Variants in MGAT4C observed in about 807,000 individuals in gnomAD.
The protein encoded by MGAT4C is alpha-1,3-mannosyl-glycoprotein 4-beta-N-acetylglucosaminyltransferase C.
In MGAT4C, 19 loss-of-function variants were observed where a neutral mutation model predicts 40.1. The ratio of observed to expected loss-of-function variants is 0.47; its 90% CI spans 0.33 to 0.70. MGAT4C has a LOEUF of 0.70. MGAT4C is among the 30% of genes least tolerant of loss of function. The pLI is 0.02. For missense variants in MGAT4C, 491 were observed against 563.2 expected (o/e 0.87, Z 1.30); for synonymous variants, 181 against 187.1 (o/e 0.97, Z 0.27).
intron 3 of MGAT4C, among the ~76,000 whole-genome samples, chr12:86,357,739 A>T (rs1410698938): frequency 6.6e-6 from 1 of 152,202 alleles, no homozygotes; most frequent in South Asian, 2.1e-4. Flanking sequence ...GTGATTGAAG[A>T]TCAAATGAAT....
At chr12:86,787,549 T>G (rs1209396290) in intron 1 of MGAT4C, among the ~76,000 whole-genome samples, 1 of 151,586 alleles carries the variant, frequency 6.6e-6, no homozygotes, top group African/African-American at 2.4e-5. Flanking sequence ...ATCAGGTACA[T>G]GCAAATTAAA....
chr12:86,063,382 C>T (rs771473383), intron 1 of MGAT4C, among the ~76,000 whole-genome samples: 1 of 152,094 alleles, frequency 6.6e-6, no homozygotes, highest in Non-Finnish European at 1.5e-5. Flanking sequence ...AAGCACGAAA[C>T]ATGGAAAAGA....
intron 1 of MGAT4C, among the ~76,000 whole-genome samples, chr12:86,147,363 T>A (rs1430036147): frequency 1.3e-5 from 2 of 152,106 alleles, no homozygotes; most frequent in Non-Finnish European, 2.9e-5. Context: ...TGCTTCAGCC[T>A]CCCAAGTACC....
chr12:86,834,094 G>A (rs1952986778), intron 1 of MGAT4C, among the ~76,000 whole-genome samples: 1 of 151,532 alleles, frequency 6.6e-6, no homozygotes, highest in African/African-American at 2.4e-5. Context: ...TACCTAGGTT[G>A]CTTCCAAATC....
Position 86,128,079 on chromosome 12 carries a change from C to T in MGAT4C, c.-56-78356G>A, listed in dbSNP as rs73387111. Among the ~76,000 whole-genome samples the T allele has an allele frequency of 6.5e-3, 982 of 152,248 alleles. 7 individuals are homozygous for T. The highest frequency in any genetic ancestry group is 0.023 in the African/African-American group (945 of 41,544). ...CTATATTTTCAAATGACAGGCAGTG[C>T]AATATATTTGTTTCCACCATTATCA... On this transcript the variant is annotated intron_variant, in intron 1 of 4. Transcript: ENST00000611864.
intron 3 of MGAT4C, among the ~76,000 whole-genome samples, chr12:86,413,714 TA>T (rs1956650742): frequency 6.6e-6 from 1 of 152,182 alleles, no homozygotes; most frequent in Non-Finnish European, 1.5e-5. Context: ...AGTGTTACAC[TA>T]GGGGGTCTGC....
intron 2 of MGAT4C, among the ~76,000 whole-genome samples, chr12:86,463,690 C>T (rs1292008415): frequency 6.6e-6 from 1 of 152,008 alleles, no homozygotes; most frequent in Non-Finnish European, 1.5e-5. Context: ...TAATTCCTTG[C>T]TTAACACCCA....
intron 2 of MGAT4C, among the ~76,000 whole-genome samples, chr12:86,655,926 G>A (rs980698618): frequency 2.6e-5 from 4 of 152,046 alleles, no homozygotes; most frequent in African/African-American, 7.2e-5. Context: ...TGATGCTCAC[G>A]AGTTGTGTGA....
intron 1 of MGAT4C, among the ~76,000 whole-genome samples, chr12:86,079,059 G>A (rs377755440): frequency 6.6e-6 from 1 of 152,286 alleles, no homozygotes; most frequent in East Asian, 1.9e-4. Context: ...CAAAGTAGAA[G>A]AGGCTTACTA....
intron 4 of MGAT4C, among the ~76,000 whole-genome samples, chr12:86,280,137 G>A (rs887006944): frequency 1.3e-5 from 2 of 151,996 alleles, no homozygotes; most frequent in African/African-American, 2.4e-5. Flanking sequence ...ATATTTATTC[G>A]GTCAATATTT....
At chr12:86,073,160 T>C (rs897593078) in intron 1 of MGAT4C, among the ~76,000 whole-genome samples, 12 of 152,144 alleles carry the variant, frequency 7.9e-5, no homozygotes, top group African/African-American at 2.9e-4. Flanking sequence ...TGAGATATGA[T>C]GGTTTTAATA....
At chr12:86,185,359 A>G (rs925044722) in intron 1 of MGAT4C, among the ~76,000 whole-genome samples, 7 of 152,142 alleles carry the variant, frequency 4.6e-5, no homozygotes, top group Admixed American at 1.3e-4. Flanking sequence ...TGTCTGATAC[A>G]TTGTAGGCAA....
chr12:86,662,551 G>A (rs1964005753), intron 2 of MGAT4C, among the ~76,000 whole-genome samples: 1 of 152,198 alleles, frequency 6.6e-6, no homozygotes, highest in South Asian at 2.1e-4. Flanking sequence ...AAAGTTGCAG[G>A]TTTGAATCTC....
intron 2 of MGAT4C, among the ~76,000 whole-genome samples, chr12:85,998,176 G>A (rs1195999460): frequency 6.6e-6 from 1 of 152,170 alleles, no homozygotes; most frequent in South Asian, 2.1e-4. Flanking sequence ...GCTCTATGTT[G>A]GTCCCTTTCA....
intron 1 of MGAT4C, among the ~76,000 whole-genome samples, chr12:86,156,764 TA>T (rs1469139665): frequency 7.2e-5 from 11 of 152,336 alleles, no homozygotes; most frequent in African/African-American, 2.6e-4. Context: ...TTCTACTGAG[TA>T]AATTATGGCT....
chr12:86,410,002 A>T (rs1956571093), intron 3 of MGAT4C, among the ~76,000 whole-genome samples: 1 of 152,134 alleles, frequency 6.6e-6, no homozygotes, highest in Non-Finnish European at 1.5e-5. Context: ...AGGACTTTAA[A>T]GGCGGAGGGG....
At chr12:86,814,158 A>G (rs1465440514) in intron 1 of MGAT4C, among the ~76,000 whole-genome samples, 5 of 151,636 alleles carry the variant, frequency 3.3e-5, no homozygotes, top group Admixed American at 6.6e-5. Flanking sequence ...GCTGATAGAT[A>G]TATTTCTAAG....
At chr12:86,537,541 T>C (rs1959096641) in intron 2 of MGAT4C, among the ~76,000 whole-genome samples, 1 of 152,072 alleles carries the variant, frequency 6.6e-6, no homozygotes, top group African/African-American at 2.4e-5. Context: ...AAATAAATAA[T>C]AATAATGGTG....
chr12:86,458,567 A>C (rs1374321231), intron 2 of MGAT4C, among the ~76,000 whole-genome samples: 5 of 152,242 alleles, frequency 3.3e-5, no homozygotes, highest in Admixed American at 6.5e-5. Flanking sequence ...GCTAGCCACT[A>C]TATTACATGT....
Sources: gnomAD v4.1 joint callset for allele counts (sites outside exome capture counted in the v4.1 genomes callset) on GRCh38, gnomAD v4.1.1 for gene constraint, MANE v1.5 for transcripts, NCBI Gene and HGNC (gene_info 2026-07-23, HGNC 2026-07-21) for gene names.